Variants in CAB39 observed in about 807,000 individuals in gnomAD.
CAB39 encodes calcium binding protein 39.
A neutral mutation model predicts 40.0 loss-of-function variants in CAB39; 8 were observed. The ratio of observed to expected loss-of-function variants is 0.20; its 90% confidence interval spans 0.12 to 0.36. The LOEUF (loss-of-function observed/expected upper bound fraction) is 0.36. CAB39 is among the 10% of genes least tolerant of loss of function. The pLI is 1.00. For synonymous variants in CAB39, 156 were observed against 141.6 expected, an observed-to-expected ratio of 1.10 and a Z score of -0.72; for missense variants, 270 against 401.1, an observed-to-expected ratio of 0.67 and a Z score of 2.79.
intron 2 of CAB39, among the ~76,000 whole-genome samples, chr2:230,783,440 CTAGTTTTGTT>C (rs1485901232): frequency 3.5e-5 from 2 of 56,382 alleles, no homozygotes; most frequent in African/African-American, 1.1e-4. Context: ...CTGTTCTTGT[CTAGTTTTGTT>C]TTGTTTTGTT....
At chr2:230,738,959 A>T (rs1396874381) in intron 1 of CAB39, among the ~76,000 whole-genome samples, 3 of 152,274 alleles carry the variant, frequency 2.0e-5, no homozygotes, top group Non-Finnish European at 4.4e-5. Flanking sequence ...CTTTAGAACC[A>T]TAGCATTTCC....
intron 1 of CAB39, among the ~76,000 whole-genome samples, chr2:230,757,118 T>C (rs1342209132): frequency 1.3e-5 from 2 of 152,118 alleles, no homozygotes; most frequent in Admixed American, 6.6e-5. Context: ...TCCTCCTTAT[T>C]TAAATTTAAG....
chr2:230,744,384 C>T (rs531447883), intron 1 of CAB39, among the ~76,000 whole-genome samples: 2 of 152,290 alleles, frequency 1.3e-5, no homozygotes, highest in African/African-American at 4.8e-5. Flanking sequence ...GCCTCCACCT[C>T]CCAGGTTCAA....
chr2:230,791,661 G>A (rs1695894664), intron 3 of CAB39, among the ~76,000 whole-genome samples: 1 of 152,152 alleles, frequency 6.6e-6, no homozygotes, highest in Non-Finnish European at 1.5e-5. Flanking sequence ...TAGCATCACA[G>A]GGCGTCTACA....
At chr2:230,765,339 G>T (rs1200181925) in intron 2 of CAB39, among the ~76,000 whole-genome samples, 1 of 152,000 alleles carries the variant, frequency 6.6e-6, no homozygotes, top group Non-Finnish European at 1.5e-5. Context: ...GTTCATGCTT[G>T]GTTCATGATG....
At chr2:230,812,682 T>G (rs1214878427) in intron 6 of CAB39, among the ~76,000 whole-genome samples, 1 of 152,196 alleles carries the variant, frequency 6.6e-6, no homozygotes, top group Non-Finnish European at 1.5e-5. Flanking sequence ...CTCAAATACA[T>G]ACCAAATAGA....
At chr2:230,728,588 C>T (rs945479687) in intron 1 of CAB39, among the ~76,000 whole-genome samples, 1 of 152,118 alleles carries the variant, frequency 6.6e-6, no homozygotes, top group Non-Finnish European at 1.5e-5. Flanking sequence ...AGGCATGAGC[C>T]GTCGCACCCT....
intron 2 of CAB39, among the ~76,000 whole-genome samples, chr2:230,778,624 T>C (rs188721577): frequency 7.4e-4 from 113 of 152,288 alleles, no homozygotes; most frequent in African/African-American, 2.6e-3. Context: ...TTTTATTTTT[T>C]AATGGGAAAG....
chr2:230,795,055 C>T (rs1447346145), intron 4 of CAB39, among the ~76,000 whole-genome samples: 1 of 152,108 alleles, frequency 6.6e-6, no homozygotes, highest in Non-Finnish European at 1.5e-5. Context: ...GCGGGTGGAT[C>T]ACTTGAGTCC....
chr2:230,745,430 C>T (rs572430357), intron 1 of CAB39, among the ~76,000 whole-genome samples: 2 of 152,128 alleles, frequency 1.3e-5, no homozygotes, highest in Non-Finnish European at 2.9e-5. Flanking sequence ...GATGATGAGT[C>T]CTCAGAGGAG....
intron 6 of CAB39, among the ~76,000 whole-genome samples, chr2:230,812,056 A>G (rs1696314661): frequency 6.6e-6 from 1 of 152,376 alleles, no homozygotes; most frequent in Non-Finnish European, 1.5e-5. Context: ...CCAAAATAAC[A>G]TGCTCTAAAT....
intron 1 of CAB39, among the ~76,000 whole-genome samples, chr2:230,721,297 G>A (rs1694448122): frequency 6.6e-6 from 1 of 152,186 alleles, no homozygotes; most frequent in Admixed American, 6.5e-5. Context: ...TGGGCATGGT[G>A]TCAGGTGCCT....
chr2:230,748,604 G>A (rs978136954), intron 1 of CAB39, among the ~76,000 whole-genome samples: 1 of 151,546 alleles, frequency 6.6e-6, no homozygotes, highest in Non-Finnish European at 1.5e-5. Context: ...CCAGGAGTTC[G>A]AGACCAGCCT....
At chr2:230,776,568 G>A (rs1695590181) in intron 2 of CAB39, among the ~76,000 whole-genome samples, 1 of 152,060 alleles carries the variant, frequency 6.6e-6, no homozygotes, top group Admixed American at 6.6e-5. Context: ...TTTTGAGATG[G>A]GCTTTCTTCC....
At chr2:230,809,625 G>T (rs989298609) in intron 5 of CAB39, among the ~76,000 whole-genome samples, 1 of 152,152 alleles carries the variant, frequency 6.6e-6, no homozygotes, top group Non-Finnish European at 1.5e-5. Context: ...AATGATCCTT[G>T]GGAAAGCTAT....
At position 230,817,759 on chromosome 2, in the gene CAB39, C is replaced by T. The variant is rs910890819; in HGVS notation, c.699C>T (p.Leu233=). 2.5e-6 allele frequency: 4 copies of T among 1,580,908 alleles called. No individual in the cohort carries two copies. The South Asian group carries it at 4.6e-5, about 18-fold the overall frequency. ...YVTKRQSLKL[L]GELLLDRHNF... is the part of the protein sequence containing the mutation. ...TTGTTTAAATGTCTTCTCAGCTTCT[C>T]GGTGAACTACTACTAGATAGACACA... The change falls in exon 8 of 9, where the codon CTC becomes CTT. Residue 233 remains leucine (L), a synonymous_variant. Coordinates refer to ENST00000258418, the MANE Select transcript of CAB39 (RefSeq NM_016289.4).
At chr2:230,724,124 G>A (rs1694506936) in intron 1 of CAB39, among the ~76,000 whole-genome samples, 1 of 151,990 alleles carries the variant, frequency 6.6e-6, no homozygotes, top group Non-Finnish European at 1.5e-5. Flanking sequence ...ACGCACACCT[G>A]TAATCCTAGC....
chr2:230,737,410 A>G (rs1694805105), intron 1 of CAB39, among the ~76,000 whole-genome samples: 1 of 152,154 alleles, frequency 6.6e-6, no homozygotes, highest in Non-Finnish European at 1.5e-5. Context: ...CAGAAAATCT[A>G]ATTTTAAACA....
At chr2:230,780,351 A>G (rs1321109437) in intron 2 of CAB39, among the ~76,000 whole-genome samples, 1 of 152,198 alleles carries the variant, frequency 6.6e-6, no homozygotes, top group African/African-American at 2.4e-5. Flanking sequence ...CCAAAAAATA[A>G]CATTGGTATA....
Sources: allele counts gnomAD v4.1 joint callset (sites outside exome capture counted in the v4.1 genomes callset), GRCh38; gene constraint gnomAD v4.1.1; transcripts MANE v1.5; gene names NCBI Gene and HGNC (gene_info 2026-07-23, HGNC 2026-07-21).